Variants in MYOF observed in about 807,000 individuals in gnomAD.
MYOF encodes the protein fer-1-like 3, myoferlin.
A neutral mutation model predicts 284.2 loss-of-function variants in MYOF; 244 were observed. The observed-to-expected ratio is 0.86, with a 90% CI of 0.77 to 0.95. MYOF has a LOEUF of 0.95. MYOF is among the 40% of genes least tolerant of loss of function. MYOF has a pLI of 0.00. For missense variants in MYOF, 2,496 were observed against 2,560.6 expected (o/e 0.97, Z 0.54); for synonymous variants, 904 against 919.7 (o/e 0.98, Z 0.31).
chr10:93,309,258 C>T (rs1307197684), intron 53 of MYOF, among the ~76,000 whole-genome samples: 1 of 152,150 alleles, frequency 6.6e-6, no homozygotes, highest in Non-Finnish European at 1.5e-5. Flanking sequence ...CTGCCTGTTC[C>T]CAGAATATGA....
intron 5 of MYOF, among the ~76,000 whole-genome samples, chr10:93,420,055 C>T (rs1848293606): frequency 6.6e-6 from 1 of 152,068 alleles, no homozygotes. Flanking sequence ...ATCCCTTGAA[C>T]CCAGGAGGTA....
intron 2 of MYOF, among the ~76,000 whole-genome samples, chr10:93,453,031 C>G (rs2056639704): frequency 6.6e-6 from 1 of 152,074 alleles, no homozygotes; most frequent in Non-Finnish European, 1.5e-5. Context: ...ATGACTTGAT[C>G]CTCCTTGTAG....
rs1842105597 is a variant in MYOF at position 93,306,566 on chromosome 10, T to C, written c.*397A>G. 5.4e-6 allele frequency: 1 copy of C among 185,438 alleles called. No individual in the cohort carries two copies. Among genetic ancestry groups the C allele is most frequent in the Non-Finnish European group, 1.1e-5 (1 of 90,976 alleles). The allele number at this position is 185,438 out of a possible 1,614,324, so 11.5% of individuals were successfully genotyped here. ...TCTAACTGATTTTATAATGCACAGC[T>C]CTTTCAGTTGATTACAAATATGAAG... is the stretch of plus-strand genomic sequence containing the variant. On this transcript the variant is annotated 3_prime_UTR_variant, in exon 54 of 54. Transcript: ENST00000359263.
At chr10:93,381,441 T>A (rs1272756557) in intron 19 of MYOF, 45 bp from the exon 20 acceptor site, 9 of 1,593,004 alleles carry the variant, frequency 5.6e-6, no homozygotes, top group Non-Finnish European at 6.0e-6. Context: ...AGGCCATTTG[T>A]TCTTATTTAC....
chr10:93,466,507 G>A (rs1374268286), intron 1 of MYOF, among the ~76,000 whole-genome samples: 1 of 152,134 alleles, frequency 6.6e-6, no homozygotes, highest in Non-Finnish European at 1.5e-5. Flanking sequence ...CAGTCCATTT[G>A]AATGACTCAG....
Position 93,388,954 on chromosome 10 carries a change from C to T in MYOF, c.1581+76G>A, listed in dbSNP as rs529907442. The T allele has an allele frequency of 3.3e-6, 5 of 1,537,048 alleles. No homozygotes were observed. The African/African-American group carries it at 6.9e-5, about 21-fold the overall frequency. On this transcript the variant is annotated intron_variant, in intron 18 of 53. Coordinates refer to ENST00000359263, the MANE Select transcript of MYOF (RefSeq NM_013451.4). ...AGTATGAAACTTCTATCCTGCAATACTTGATCAGACATTATAAGAAGAAAT... is the reference window on the plus strand; with the variant it reads ...AGTATGAAACTTCTATCCTGCAATATTTGATCAGACATTATAAGAAGAAAT...
chr10:93,346,725 G>A (rs1276794163), intron 37 of MYOF, among the ~76,000 whole-genome samples: 1 of 152,194 alleles, frequency 6.6e-6, no homozygotes, highest in Admixed American at 6.5e-5. Flanking sequence ...GGAGCTTCCT[G>A]TTTTCCCCAT....
At chr10:93,443,152 C>T (rs1013292433) in intron 3 of MYOF, among the ~76,000 whole-genome samples, 2 of 151,678 alleles carry the variant, frequency 1.3e-5, no homozygotes, top group South Asian at 2.1e-4. Flanking sequence ...CAGAGTGAGA[C>T]TCTGTCTCAC....
intron 18 of MYOF, 73 bp downstream of exon 18, chr10:93,388,957 G>A (rs1846536598): frequency 6.5e-7 from 1 of 1,541,902 alleles, no homozygotes; most frequent in Admixed American, 1.9e-5. Flanking sequence ...TGCAATACTT[G>A]ATCAGACATT....
chr10:93,475,178 C>G (rs2057232410), intron 1 of MYOF, among the ~76,000 whole-genome samples: 1 of 152,166 alleles, frequency 6.6e-6, no homozygotes, highest in Non-Finnish European at 1.5e-5. Flanking sequence ...ATTGATAAGG[C>G]TTAAGGTATC....
intron 4 of MYOF, among the ~76,000 whole-genome samples, chr10:93,431,029 T>TTTTCTTTTCTTTC (rs534814213): frequency 4.7e-5 from 7 of 148,288 alleles, no homozygotes; most frequent in Non-Finnish European, 7.5e-5. Flanking sequence ...CTTTTCTTTT[T>TTTTCTTTTCTTTC]TTTTTTTTTT....
At chr10:93,339,767 C>T (rs187147696) in intron 39 of MYOF, among the ~76,000 whole-genome samples, 6 of 151,980 alleles carry the variant, frequency 3.9e-5, no homozygotes, top group Non-Finnish European at 8.8e-5. Flanking sequence ...CTGTGCCCGG[C>T]CCCCCTAGAT....
At position 93,369,730 on chromosome 10, in the gene MYOF, C is replaced by A. The variant is rs373363357; in HGVS notation, c.2504G>T (p.Arg835Leu). ...NNGPKVPVEL[R>L]VNIWLGLSAV... Reference sequence around the variant, plus strand: ...ACTTAAGCCTAGCCAGATGTTCACTCGCAACTCCACAGGCACCTTTGGCCC... The same window carrying A: ...ACTTAAGCCTAGCCAGATGTTCACTAGCAACTCCACAGGCACCTTTGGCCC... The change falls in exon 25 of 54, where the codon CGA (arginine) becomes CTA (leucine). Residue 835 changes from arginine (R) to leucine (L), a missense_variant. Transcript: ENST00000359263. The A allele has an allele frequency of 4.9e-5, 79 of 1,614,064 alleles. No homozygotes were observed. Among genetic ancestry groups the A allele is most frequent in the Non-Finnish European group, 6.5e-5 (77 of 1,180,030 alleles).
intron 17 of MYOF, 52 bp downstream of exon 17, chr10:93,392,865 G>T: frequency 1.3e-6 from 2 of 1,494,534 alleles, no homozygotes; most frequent in African/African-American, 1.4e-5. Flanking sequence ...TTCTTAATAA[G>T]ATAATATTAG....
intron 6 of MYOF, among the ~76,000 whole-genome samples, chr10:93,409,372 C>T (rs1480521671): frequency 6.6e-6 from 1 of 151,534 alleles, no homozygotes; most frequent in African/African-American, 2.4e-5. Flanking sequence ...CTCTGGAGAC[C>T]ATCAGCTGGC....
intron 3 of MYOF, among the ~76,000 whole-genome samples, chr10:93,446,624 T>C (rs894766270): frequency 2.6e-5 from 4 of 152,058 alleles, no homozygotes; most frequent in African/African-American, 4.8e-5. Context: ...GGGGGGAAGA[T>C]TGAAAAAGTA....
At chr10:93,465,538 CTT>C (rs71031511) in intron 1 of MYOF, among the ~76,000 whole-genome samples, 1 of 112,164 alleles carries the variant, frequency 8.9e-6, no homozygotes. Context: ...TTTTTCTTTT[CTT>C]TTTTTTTTTT....
chr10:93,440,389 C>A (rs12412362), intron 3 of MYOF, among the ~76,000 whole-genome samples: 1 of 149,572 alleles, frequency 6.7e-6, no homozygotes, highest in Non-Finnish European at 1.5e-5. Flanking sequence ...TCCAGCCTGT[C>A]GACAGAGCAA....
chr10:93,356,174 T>C (rs1030180358), intron 30 of MYOF, among the ~76,000 whole-genome samples: 9 of 152,118 alleles, frequency 5.9e-5, no homozygotes, highest in Admixed American at 5.2e-4. Context: ...CCACTGCCAT[T>C]CTCCTATTCC....
Sources: allele counts gnomAD v4.1 joint callset (sites outside exome capture counted in the v4.1 genomes callset), GRCh38; gene constraint gnomAD v4.1.1; transcripts MANE v1.5; gene names NCBI Gene and HGNC (gene_info 2026-07-23, HGNC 2026-07-21).